The following ZNF536 variants were observed in gnomAD, a reference collection of about 807,000 sequenced individuals.
ZNF536 encodes zinc finger protein 536.
Under a neutral mutation model 84.5 loss-of-function variants are expected in ZNF536, and 13 were observed. The ratio of observed to expected loss-of-function variants is 0.15; its 90% CI spans 0.10 to 0.24. The LOEUF is 0.24. ZNF536 is among the 10% of genes least tolerant of loss of function. The pLI is 1.00. For missense variants in ZNF536, 1,536 were observed against 1,747.5 expected, an observed-to-expected ratio of 0.88 and a Z score of 2.16; for synonymous variants, 811 against 742.5, an observed-to-expected ratio of 1.09 and a Z score of -1.50.
chr19:30,484,931 C>T (rs1412762906), intron 2 of ZNF536, among the ~76,000 whole-genome samples: 1 of 151,916 alleles, frequency 6.6e-6, no homozygotes. Flanking sequence ...ATCACCAGGT[C>T]AGGAAATCAA....
chr19:30,602,429 C>T (rs879540131), intron 1 of ZNF536, among the ~76,000 whole-genome samples: 2 of 152,166 alleles, frequency 1.3e-5, no homozygotes, highest in Admixed American at 6.5e-5. Flanking sequence ...GTGGATACAA[C>T]CCCAATACAT....
At chr19:30,338,078 A>G (rs192744675) in intron 2 of ZNF536, among the ~76,000 whole-genome samples, 10 of 150,316 alleles carry the variant, frequency 6.7e-5, no homozygotes, top group Admixed American at 2.6e-4. Flanking sequence ...TAATGATGAT[A>G]TGATGATAAT....
chr19:30,592,335 T>A (rs2047304864), intron 1 of ZNF536, among the ~76,000 whole-genome samples: 1 of 152,188 alleles, frequency 6.6e-6, no homozygotes, highest in Non-Finnish European at 1.5e-5. Context: ...GCAGTGGGAT[T>A]TTTTTTCCAT....
At position 30,693,049 on chromosome 19, in the gene ZNF536, A is replaced by AGAGAGT. The variant is rs1555840299; in HGVS notation, c.170-17707_170-17706insAGAGTG. On this transcript the variant is annotated intron_variant, in intron 1 of 1. Transcript: ENST00000592773. The stretch of plus-strand genomic sequence containing the variant: ...GAGAGAGAGAGAGAGAGAGAGAGAG[A>AGAGAGT]GTGTGTGTATACGTGTGCAGCGTGG... 6.7e-5 allele frequency among the ~76,000 whole-genome samples: 10 copies of AGAGAGT among 148,978 alleles called. 1 individual carries two copies. The highest frequency in any genetic ancestry group is 4.2e-4 in the South Asian group (2 of 4,726).
At chr19:30,524,068 G>A (rs974550263) in intron 2 of ZNF536, among the ~76,000 whole-genome samples, 2 of 152,172 alleles carry the variant, frequency 1.3e-5, no homozygotes, top group Admixed American at 6.5e-5. Flanking sequence ...ATCCGACGGC[G>A]GCAGGCTCAC....
At chr19:30,308,794 C>T (rs546348534) in intron 2 of ZNF536, among the ~76,000 whole-genome samples, 3 of 152,304 alleles carry the variant, frequency 2.0e-5, no homozygotes, top group South Asian at 2.1e-4. Flanking sequence ...GTGTTTTGTG[C>T]GGTCTCACTC....
intron 2 of ZNF536, among the ~76,000 whole-genome samples, chr19:30,519,411 C>T (rs7252093): frequency 0.026 from 3,900 of 152,268 alleles, 156 homozygotes; most frequent in African/African-American, 0.086. Flanking sequence ...TTGCCCTCCA[C>T]GGGGTTGTGC....
chr19:30,492,555 G>T (rs1334429744), intron 2 of ZNF536, among the ~76,000 whole-genome samples: 2 of 152,156 alleles, frequency 1.3e-5, no homozygotes, highest in Non-Finnish European at 2.9e-5. Flanking sequence ...TTATAAAAAT[G>T]ATCTGTGATT....
chr19:30,595,918 G>GA, intron 1 of ZNF536, among the ~76,000 whole-genome samples: 1 of 152,154 alleles, frequency 6.6e-6, no homozygotes, highest in Non-Finnish European at 1.5e-5. Context: ...CCTGGGAAAG[G>GA]AGAGGGGGTG....
intron 1 of ZNF536, among the ~76,000 whole-genome samples, chr19:30,259,028 A>T (rs969988992): frequency 4.6e-5 from 7 of 152,036 alleles, no homozygotes; most frequent in African/African-American, 1.7e-4. Flanking sequence ...AAAATTTTTT[A>T]TTTTTTTATT....
intron 1 of ZNF536, among the ~76,000 whole-genome samples, chr19:30,584,833 C>T (rs142150288): frequency 2.0e-5 from 3 of 152,186 alleles, no homozygotes; most frequent in East Asian, 1.9e-4. Context: ...TGGTGGCTCA[C>T]GCCTGCAATC....
chr19:30,291,343 G>T (rs1256307790), intron 2 of ZNF536, among the ~76,000 whole-genome samples: 7 of 152,196 alleles, frequency 4.6e-5, no homozygotes, highest in Admixed American at 1.3e-4. Context: ...AGCCTCGCCA[G>T]CATCTGTTGT....
At chr19:30,511,111 G>T (rs2055396307) in intron 2 of ZNF536, among the ~76,000 whole-genome samples, 1 of 152,172 alleles carries the variant, frequency 6.6e-6, no homozygotes, top group Admixed American at 6.5e-5. Flanking sequence ...GAATGGAGGG[G>T]AGCCGTGGGT....
chr19:30,653,386 C>T (rs1246641965), intron 1 of ZNF536, among the ~76,000 whole-genome samples: 2 of 152,070 alleles, frequency 1.3e-5, no homozygotes, highest in East Asian at 1.9e-4. Context: ...TAGGTGGGGC[C>T]CTCTGAGAGG....
chr19:30,710,156 C>A (rs1174213289), intron 1 of ZNF536, among the ~76,000 whole-genome samples: 1 of 152,156 alleles, frequency 6.6e-6, no homozygotes, highest in Non-Finnish European at 1.5e-5. Flanking sequence ...TCTTTGCCTG[C>A]AAATCTGGGA....
chr19:30,361,695 A>G (rs1171404915), intron 3 of ZNF536, among the ~76,000 whole-genome samples: 1 of 151,980 alleles, frequency 6.6e-6, no homozygotes, highest in African/African-American at 2.4e-5. Flanking sequence ...TCAGAGTAGG[A>G]CCTTCCAAAG....
intron 2 of ZNF536, among the ~76,000 whole-genome samples, chr19:30,288,235 A>G (rs2045717208): frequency 6.6e-6 from 1 of 152,218 alleles, no homozygotes; most frequent in Non-Finnish European, 1.5e-5. Context: ...CTTCCTGCCC[A>G]CGTGACTGGA....
At chr19:30,460,170 G>A (rs932896243) in intron 2 of ZNF536, among the ~76,000 whole-genome samples, 3 of 152,162 alleles carry the variant, frequency 2.0e-5, no homozygotes, top group Non-Finnish European at 4.4e-5. Flanking sequence ...GCCCATTCCT[G>A]AACCAGTCAC....
rs773508538 is a variant in ZNF536, at chr19:30,548,601, G to A, written c.2982G>A (p.Val994=). 1.9e-6 allele frequency: 3 copies of A among 1,614,046 alleles called. No homozygotes were observed. The Admixed American group carries it at 5.0e-5, about 27-fold the overall frequency. ...CCCTCCCGGGCTCCTCGGTAACTGT[G>A]CAGGACAGCATTGCATGGCACGGCT... ...AASLPGSSVT[V]QDSIAWHGCL... Residue 994 remains valine (V), a synonymous_variant, in exon 4 of 5, where the codon GTG becomes GTA. Transcript: ENST00000355537.
Sources: gnomAD v4.1 joint callset for allele counts (sites outside exome capture counted in the v4.1 genomes callset) on GRCh38, gnomAD v4.1.1 for gene constraint, MANE v1.5 for transcripts, NCBI Gene and HGNC (gene_info 2026-07-23, HGNC 2026-07-21) for gene names.